The following NUDT7 variants were observed in gnomAD, a reference collection of about 807,000 sequenced individuals.
The protein encoded by NUDT7 is peroxisomal coenzyme A diphosphatase NUDT7.
Under a neutral mutation model 13.1 loss-of-function variants are expected in NUDT7, and 19 were observed. The observed-to-expected ratio is 1.45, with a 90% CI of 1.01 to 2.13. The LOEUF (loss-of-function observed/expected upper bound fraction) is 2.13. Ranked by LOEUF, NUDT7 falls within the 30% of genes most tolerant of loss-of-function variation. The pLI is 0.00. For missense variants in NUDT7, 360 were observed against 291.7 expected, an observed-to-expected ratio of 1.23 and a Z score of -1.71; for synonymous variants, 132 against 109.7, an observed-to-expected ratio of 1.20 and a Z score of -1.27.
At chr16:77,739,239 A>C (rs1227615267) in intron 3 of NUDT7, among the ~76,000 whole-genome samples, 1 of 152,224 alleles carries the variant, frequency 6.6e-6, no homozygotes, top group Non-Finnish European at 1.5e-5. Context: ...AAAGAAAAAA[A>C]AGAATGGCTA....
chr16:77,740,734 G>T (rs1172493785), intron 3 of NUDT7, among the ~76,000 whole-genome samples: 1 of 151,942 alleles, frequency 6.6e-6, no homozygotes, highest in South Asian at 2.1e-4. Flanking sequence ...TTTTAGTAGA[G>T]ACGGGATTTC....
chr16:77,723,949 T>C (rs762237254), intron 1 of NUDT7, among the ~76,000 whole-genome samples: 12 of 152,206 alleles, frequency 7.9e-5, no homozygotes, highest in Non-Finnish European at 1.5e-4. Context: ...CTGCCCACTA[T>C]GCAAAGCTGC....
rs954357103 is a variant in NUDT7 at position 77,741,414 on chromosome 16, G to A, written c.349-168G>A. 2.9e-5 allele frequency: 18 copies of A among 620,656 alleles called. No individual in the cohort carries two copies. The East Asian group carries it at 5.0e-4, about 17-fold the overall frequency. 38.4% of individuals were successfully genotyped at this position (620,656 alleles called of 1,614,324 possible). ...ATAGATGTCACCTCAGGTAGAGCAG[G>A]ATGACTCCCATTTTAGGGGGAACAT... On this transcript the variant is annotated intron_variant, in intron 3 of 3. Coordinates refer to ENST00000268533, the MANE Select transcript of NUDT7 (RefSeq NM_001105663.3).
At chr16:77,735,440 G>C (rs367976591) in intron 2 of NUDT7, 3 of 659,596 alleles carry the variant, frequency 4.5e-6, no homozygotes, top group African/African-American at 3.5e-5. Flanking sequence ...ATGATTGTAA[G>C]TTTCCTGAGG....
intron 2 of NUDT7, among the ~76,000 whole-genome samples, chr16:77,727,583 G>A (rs564600903): frequency 5.3e-5 from 8 of 152,342 alleles, no homozygotes; most frequent in Middle Eastern, 3.4e-3. Context: ...GGCCGTGTGC[G>A]GTGGCTCACG....
intron 2 of NUDT7, chr16:77,735,590 G>C (rs1362074146): frequency 3.4e-6 from 2 of 580,266 alleles, no homozygotes; most frequent in East Asian, 5.5e-5. Context: ...GATTAATACA[G>C]TGTGTGGTAT....
chr16:77,722,547 G>A lies in NUDT7; in HGVS notation c.-36G>A, dbSNP rs759462620. Reference sequence around the variant, plus strand: ...CAAGCGCGACCGACCGAGCAGCTCCGAGGAGTCCGCCCGGAAACAAACATT... The same window carrying A: ...CAAGCGCGACCGACCGAGCAGCTCCAAGGAGTCCGCCCGGAAACAAACATT... On this transcript the variant is annotated 5_prime_UTR_variant, in exon 1 of 4. Coordinates refer to ENST00000268533, the MANE Select transcript of NUDT7 (RefSeq NM_001105663.3). 1.9e-6 allele frequency: 3 copies of A among 1,564,952 alleles called. No homozygotes were observed. The highest frequency in any genetic ancestry group is 1.4e-5 in the African/African-American group (1 of 73,604).
intron 2 of NUDT7, among the ~76,000 whole-genome samples, chr16:77,734,213 C>G (rs1426016405): frequency 2.6e-5 from 4 of 152,204 alleles, no homozygotes; most frequent in Non-Finnish European, 4.4e-5. Flanking sequence ...ATTAAAAACA[C>G]AGGCTCGTAA....
intron 2 of NUDT7, among the ~76,000 whole-genome samples, chr16:77,733,712 T>A (rs1360003302): frequency 6.6e-6 from 1 of 152,162 alleles, no homozygotes; most frequent in Non-Finnish European, 1.5e-5. Flanking sequence ...TCCATCCTCA[T>A]GGAACAATCT....
intron 1 of NUDT7, among the ~76,000 whole-genome samples, 165 bp from the exon 2 acceptor site, chr16:77,725,266 C>T (rs181580632): frequency 1.3e-5 from 2 of 152,214 alleles, no homozygotes; most frequent in African/African-American, 2.4e-5. Context: ...CGAACAACCA[C>T]GCAATTTAGA....
intron 2 of NUDT7, among the ~76,000 whole-genome samples, chr16:77,726,813 A>C (rs2014151403): frequency 6.6e-6 from 1 of 152,150 alleles, no homozygotes; most frequent in Non-Finnish European, 1.5e-5. Flanking sequence ...AAAGAAAGAA[A>C]GAAAAAGAAA....
chr16:77,733,834 G>A (rs1397672355), intron 2 of NUDT7, among the ~76,000 whole-genome samples: 1 of 152,146 alleles, frequency 6.6e-6, no homozygotes, highest in Non-Finnish European at 1.5e-5. Context: ...AGGAGAGAAA[G>A]GATAGTGGGT....
At chr16:77,732,972 G>A (rs912228559) in intron 2 of NUDT7, among the ~76,000 whole-genome samples, 4 of 152,062 alleles carry the variant, frequency 2.6e-5, no homozygotes, top group African/African-American at 9.7e-5. Flanking sequence ...ATTTGCAGTC[G>A]CTGGTGAGTG....
intron 1 of NUDT7, among the ~76,000 whole-genome samples, chr16:77,724,846 C>G (rs780290438): frequency 2.8e-4 from 43 of 152,152 alleles, no homozygotes; most frequent in Admixed American, 6.5e-5. Flanking sequence ...AATGTGTTCC[C>G]CTGTCCACAG....
chr16:77,729,430 AACATATTACTAT>A (rs1176045536), intron 2 of NUDT7, among the ~76,000 whole-genome samples: 2 of 152,166 alleles, frequency 1.3e-5, no homozygotes, highest in Non-Finnish European at 2.9e-5. Context: ...CTCACATAGT[AACATATTACTAT>A]ACATATTACC....
At chr16:77,732,889 C>T (rs935774254) in intron 2 of NUDT7, among the ~76,000 whole-genome samples, 2 of 152,120 alleles carry the variant, frequency 1.3e-5, no homozygotes, top group African/African-American at 2.4e-5. Flanking sequence ...TGGAGTTGAA[C>T]GTTCTAACAA....
intron 2 of NUDT7, among the ~76,000 whole-genome samples, chr16:77,731,509 A>T (rs963574146): frequency 1.3e-5 from 2 of 152,216 alleles, no homozygotes; most frequent in Non-Finnish European, 2.9e-5. Context: ...CAGTGGTCTA[A>T]AAGTGTAGCA....
intron 3 of NUDT7, 39 bp from the exon 4 acceptor site, chr16:77,741,542 CT>C: frequency 6.5e-7 from 1 of 1,535,440 alleles, no homozygotes; most frequent in Non-Finnish European, 8.7e-7. Context: ...AGCAGTATCA[CT>C]TCACTTCTTA....
chr16:77,737,172 G>C (rs925776732), intron 3 of NUDT7, among the ~76,000 whole-genome samples: 1 of 152,152 alleles, frequency 6.6e-6, no homozygotes, highest in Non-Finnish European at 1.5e-5. Context: ...TCCATGCTCT[G>C]TTTGCTTTTT....
Sources: allele counts gnomAD v4.1 joint callset (sites outside exome capture counted in the v4.1 genomes callset), GRCh38; gene constraint gnomAD v4.1.1; transcripts MANE v1.5; gene names NCBI Gene and HGNC (gene_info 2026-07-23, HGNC 2026-07-21).